Variants in KCNIP1 observed in about 807,000 individuals in gnomAD.
The protein encoded by KCNIP1 is potassium voltage-gated channel interacting protein 1.
A neutral mutation model predicts 33.0 loss-of-function variants in KCNIP1; 18 were observed. The observed-to-expected ratio is 0.55, with a 90% CI of 0.38 to 0.81. The LOEUF is 0.81. Among genes scored for constraint, KCNIP1 ranks in the 30% least tolerant of loss-of-function variants. The pLI is 0.00. For missense variants in KCNIP1, 238 were observed against 271.6 expected (o/e 0.88, Z 0.87); for synonymous variants, 93 against 98.3 (o/e 0.95, Z 0.32).
intron 1 of KCNIP1, among the ~76,000 whole-genome samples, chr5:170,597,683 G>C (rs1180723487): frequency 1.3e-5 from 2 of 151,746 alleles, no homozygotes; most frequent in Middle Eastern, 3.2e-3. Context: ...GGCTGATCTA[G>C]AGCCACAGAT....
chr5:170,715,301 A>G (rs1241243220), intron 1 of KCNIP1, among the ~76,000 whole-genome samples: 14 of 152,186 alleles, frequency 9.2e-5, no homozygotes, highest in Non-Finnish European at 4.4e-5. Flanking sequence ...ACACGATGAC[A>G]AAACTGCCTA....
chr5:170,400,991 G>C (rs535823273), intron 1 of KCNIP1, among the ~76,000 whole-genome samples: 70 of 152,338 alleles, frequency 4.6e-4, no homozygotes, highest in African/African-American at 1.6e-3. Flanking sequence ...TATCTCTGGA[G>C]CCTTAAGTTT....
chr5:170,674,979 T>G (rs1170065894), intron 1 of KCNIP1, among the ~76,000 whole-genome samples: 9 of 151,602 alleles, frequency 5.9e-5, no homozygotes, highest in African/African-American at 1.7e-4. Context: ...TGTTTTGTTT[T>G]TTTTTTTTTA....
chr5:170,385,709 A>G (rs913727743), intron 1 of KCNIP1, among the ~76,000 whole-genome samples: 7 of 88,330 alleles, frequency 7.9e-5, no homozygotes, highest in African/African-American at 3.5e-4. Flanking sequence ...GACTTGCCCT[A>G]GGTCACACAG....
chr5:170,405,649 T>C (rs1404958042), intron 1 of KCNIP1, among the ~76,000 whole-genome samples: 1 of 152,202 alleles, frequency 6.6e-6, no homozygotes, highest in Non-Finnish European at 1.5e-5. Flanking sequence ...TGGGCAAAAG[T>C]ATTAGTGTCT....
At chr5:170,526,463 G>A (rs748711001) in intron 1 of KCNIP1, among the ~76,000 whole-genome samples, 9 of 152,170 alleles carry the variant, frequency 5.9e-5, no homozygotes, top group Non-Finnish European at 8.8e-5. Flanking sequence ...TGCCATTAGA[G>A]GGACTCATTC....
chr5:170,359,095 G>A (rs1305352864), intron 1 of KCNIP1, among the ~76,000 whole-genome samples: 1 of 152,140 alleles, frequency 6.6e-6, no homozygotes, highest in East Asian at 1.9e-4. Context: ...CACTCCAGAG[G>A]CCAAGATCAG....
intron 1 of KCNIP1, among the ~76,000 whole-genome samples, chr5:170,677,261 A>C (rs1165153056): frequency 3.3e-5 from 5 of 152,218 alleles, no homozygotes; most frequent in Non-Finnish European, 5.9e-5. Flanking sequence ...AACTCATCAT[A>C]GTCACAGAGC....
At chr5:170,691,198 A>AG (rs547306094) in intron 1 of KCNIP1, among the ~76,000 whole-genome samples, 120 of 152,348 alleles carry the variant, frequency 7.9e-4, no homozygotes, top group African/African-American at 2.8e-3. Context: ...CATAACCCCT[A>AG]GGACTCTAGA....
At chr5:170,474,907 C>T (rs1472867889) in intron 1 of KCNIP1, among the ~76,000 whole-genome samples, 2 of 152,336 alleles carry the variant, frequency 1.3e-5, no homozygotes, top group African/African-American at 4.8e-5. Flanking sequence ...GAAGGGGACC[C>T]CACTGGGTTG....
chr5:170,433,414 T>G (rs1169707363), intron 1 of KCNIP1, among the ~76,000 whole-genome samples: 1 of 152,188 alleles, frequency 6.6e-6, no homozygotes, highest in Non-Finnish European at 1.5e-5. Flanking sequence ...CTCGGACCCC[T>G]GACCTCAGAT....
intron 1 of KCNIP1, among the ~76,000 whole-genome samples, chr5:170,412,104 G>A (rs1336646500): frequency 6.6e-6 from 1 of 152,242 alleles, no homozygotes; most frequent in Non-Finnish European, 1.5e-5. Flanking sequence ...AGGACAAACG[G>A]TTGAGAGATG....
At chr5:170,501,983 G>T (rs1338349831), upstream of KCNIP1, among the ~76,000 whole-genome samples, 1 of 152,226 alleles carries the variant, frequency 6.6e-6, no homozygotes, top group Non-Finnish European at 1.5e-5. Context: ...AGCAGAGGTT[G>T]TGAATCTGGT....
chr5:170,712,778 C>T (rs1763497656), intron 1 of KCNIP1: 1 of 1,418,228 alleles, frequency 7.1e-7, no homozygotes, highest in Non-Finnish European at 1.0e-6. Flanking sequence ...AGAGCGGCCT[C>T]TCTCCATTGA....
At chr5:170,615,685 C>G (rs1228242839) in intron 1 of KCNIP1, among the ~76,000 whole-genome samples, 1 of 152,150 alleles carries the variant, frequency 6.6e-6, no homozygotes, top group African/African-American at 2.4e-5. Context: ...GGCTCTAAGC[C>G]CAGCTGCTGT....
intron 1 of KCNIP1, among the ~76,000 whole-genome samples, chr5:170,380,585 A>G (rs2113332587): frequency 1.3e-5 from 2 of 152,338 alleles, no homozygotes; most frequent in Non-Finnish European, 2.9e-5. Flanking sequence ...CTGCACTCAG[A>G]TCTAGGGCCC....
chr5:170,513,897 A>C (rs977143689), intron 1 of KCNIP1, among the ~76,000 whole-genome samples: 3 of 152,232 alleles, frequency 2.0e-5, no homozygotes, highest in Non-Finnish European at 1.5e-5. Flanking sequence ...GGGATCCCCC[A>C]AAAAAGTAAT....
chr5:170,677,291 A>G (rs1762179355), intron 1 of KCNIP1, among the ~76,000 whole-genome samples: 1 of 152,198 alleles, frequency 6.6e-6, no homozygotes, highest in South Asian at 2.1e-4. Flanking sequence ...GGCAGAGTTA[A>G]GAGTCAATGT....
chr5:170,580,409 G>C (rs1043957535), intron 1 of KCNIP1, among the ~76,000 whole-genome samples: 1 of 152,200 alleles, frequency 6.6e-6, no homozygotes, highest in Non-Finnish European at 1.5e-5. Flanking sequence ...GGCAGGCACT[G>C]TTATCACTCT....
Sources: allele counts gnomAD v4.1 joint callset (sites outside exome capture counted in the v4.1 genomes callset), GRCh38; gene constraint gnomAD v4.1.1; transcripts MANE v1.5; gene names NCBI Gene and HGNC (gene_info 2026-07-23, HGNC 2026-07-21).